UBE2E2: variants seen among roughly 807,000 people sequenced by gnomAD.
The protein encoded by UBE2E2 is ubiquitin conjugating enzyme E2 E2.
UBE2E2 carries 6 observed loss-of-function variants against 24.7 expected under a neutral mutation model. The ratio of observed to expected loss-of-function variants is 0.24; its 90% confidence interval spans 0.13 to 0.48. The LOEUF (loss-of-function observed/expected upper bound fraction) is 0.48. UBE2E2 is among the 20% of genes least tolerant of loss of function. The pLI is 0.99. For missense variants in UBE2E2, 169 were observed against 245.0 expected (o/e 0.69, Z 2.07); for synonymous variants, 104 against 83.6 (o/e 1.24, Z -1.33).
intron 2 of UBE2E2, among the ~76,000 whole-genome samples, chr3:23,214,126 A>G (rs1205104211): frequency 6.6e-6 from 1 of 152,176 alleles, no homozygotes; most frequent in East Asian, 1.9e-4. Flanking sequence ...ATATAATATT[A>G]TTGACTCACT....
intron 3 of UBE2E2, among the ~76,000 whole-genome samples, chr3:23,230,745 C>T (rs935203349): frequency 2.7e-5 from 4 of 150,426 alleles, no homozygotes; most frequent in African/African-American, 9.8e-5. Flanking sequence ...GAGATTGCAC[C>T]ATTGCACCCT....
At chr3:23,530,079 A>G (rs1695086802) in intron 4 of UBE2E2, among the ~76,000 whole-genome samples, 1 of 152,234 alleles carries the variant, frequency 6.6e-6, no homozygotes. Context: ...GTTTCCAAAC[A>G]TATGATAGGG....
chr3:23,323,326 G>A (rs2125291888), intron 3 of UBE2E2, among the ~76,000 whole-genome samples: 1 of 152,174 alleles, frequency 6.6e-6, no homozygotes, highest in South Asian at 2.1e-4. Flanking sequence ...TTACTGGTTA[G>A]TCATGGTAGT....
chr3:23,570,247 C>G (rs1669410733), intron 5 of UBE2E2, among the ~76,000 whole-genome samples: 1 of 152,120 alleles, frequency 6.6e-6, no homozygotes. Context: ...TGGTTGTCAT[C>G]TTCCTGCATC....
chr3:23,209,607 G>T (rs183080901), intron 2 of UBE2E2, among the ~76,000 whole-genome samples: 1 of 152,212 alleles, frequency 6.6e-6, no homozygotes, highest in Non-Finnish European at 1.5e-5. Flanking sequence ...CATTGACCAA[G>T]TCGGAAGTAT....
chr3:23,318,590 G>A (rs935978344), intron 3 of UBE2E2, among the ~76,000 whole-genome samples: 1 of 151,960 alleles, frequency 6.6e-6, no homozygotes, highest in Non-Finnish European at 1.5e-5. Context: ...CAAAAGGCAC[G>A]TCTATGTGGT....
chr3:23,514,866 C>T (rs1424400159), intron 4 of UBE2E2, among the ~76,000 whole-genome samples: 2 of 152,024 alleles, frequency 1.3e-5, no homozygotes, highest in Non-Finnish European at 2.9e-5. Flanking sequence ...AAAAATAAGA[C>T]AATGATTAAG....
At chr3:23,434,782 C>A (rs1698146530) in intron 3 of UBE2E2, among the ~76,000 whole-genome samples, 1 of 152,162 alleles carries the variant, frequency 6.6e-6, no homozygotes, top group African/African-American at 2.4e-5. Context: ...AGGAAATTCT[C>A]TCAGTGTAAT....
At chr3:23,269,645 C>T (rs1698177191) in intron 3 of UBE2E2, among the ~76,000 whole-genome samples, 1 of 152,154 alleles carries the variant, frequency 6.6e-6, no homozygotes, top group South Asian at 2.1e-4. Flanking sequence ...CTACTCTGGG[C>T]ACCAAAGAGC....
intron 3 of UBE2E2, among the ~76,000 whole-genome samples, chr3:23,297,744 G>C (rs1185155001): frequency 1.3e-5 from 2 of 152,062 alleles, no homozygotes; most frequent in Non-Finnish European, 2.9e-5. Context: ...TTGTTCTTTT[G>C]GCTTAGGATT....
At chr3:23,561,847 G>T (rs915096750) in intron 5 of UBE2E2, among the ~76,000 whole-genome samples, 1 of 152,132 alleles carries the variant, frequency 6.6e-6, no homozygotes, top group South Asian at 2.1e-4. Flanking sequence ...GTGAATGGGA[G>T]TTCACTCATG....
At chr3:23,497,792 G>C (rs565239464) in intron 3 of UBE2E2, among the ~76,000 whole-genome samples, 216 of 152,038 alleles carry the variant, frequency 1.4e-3, no homozygotes, top group African/African-American at 5.0e-3. Context: ...TTGAAATTTA[G>C]TTCATCTAAG....
chr3:23,271,826 A>C (rs1164622487), intron 3 of UBE2E2, among the ~76,000 whole-genome samples: 1 of 152,098 alleles, frequency 6.6e-6, no homozygotes, highest in East Asian at 1.9e-4. Flanking sequence ...CCCCCACCAG[A>C]TTAGCTAGAT....
chr3:23,528,691 G>A (rs1695054773), intron 4 of UBE2E2, among the ~76,000 whole-genome samples: 1 of 152,130 alleles, frequency 6.6e-6, no homozygotes, highest in South Asian at 2.1e-4. Flanking sequence ...TATCTCTTAG[G>A]AATTTTCTCC....
intron 3 of UBE2E2, among the ~76,000 whole-genome samples, chr3:23,222,700 C>A (rs181934697): frequency 2.0e-5 from 3 of 152,042 alleles, no homozygotes; most frequent in African/African-American, 7.2e-5. Context: ...TTATGGGCAG[C>A]GTGAAAATGG....
chr3:23,301,287 C>G, intron 3 of UBE2E2, among the ~76,000 whole-genome samples: 1 of 152,274 alleles, frequency 6.6e-6, no homozygotes, highest in Non-Finnish European at 1.5e-5. Context: ...CTCAACTAAT[C>G]AAAGTCATTC....
At chr3:23,384,294 C>G (rs935685100) in intron 3 of UBE2E2, among the ~76,000 whole-genome samples, 1 of 152,050 alleles carries the variant, frequency 6.6e-6, no homozygotes, top group African/African-American at 2.4e-5. Context: ...TCCCGAGTAG[C>G]TGGGACTACA....
intron 5 of UBE2E2, among the ~76,000 whole-genome samples, chr3:23,557,782 A>G (rs1179643166): frequency 6.6e-6 from 1 of 152,214 alleles, no homozygotes; most frequent in African/African-American, 2.4e-5. Context: ...AGCCTCATCT[A>G]TAACTTTTTC....
intron 3 of UBE2E2, among the ~76,000 whole-genome samples, chr3:23,339,579 C>T (rs1331482047): frequency 6.6e-6 from 1 of 151,778 alleles, no homozygotes; most frequent in Non-Finnish European, 1.5e-5. Flanking sequence ...ACTTAGAGAC[C>T]CTAGTTAAAT....
Sources: gnomAD v4.1 joint callset for allele counts (sites outside exome capture counted in the v4.1 genomes callset) on GRCh38, gnomAD v4.1.1 for gene constraint, MANE v1.5 for transcripts, NCBI Gene and HGNC (gene_info 2026-07-23, HGNC 2026-07-21) for gene names.